HMCN2: variants seen among roughly 807,000 people sequenced by gnomAD.
HMCN2 encodes hemicentin-2.
A neutral mutation model predicts 377.5 loss-of-function variants in HMCN2; 325 were observed. The observed-to-expected ratio is 0.86, with a 90% CI of 0.79 to 0.94. HMCN2 has a LOEUF of 0.94. HMCN2 is among the 40% of genes least tolerant of loss of function. The probability of loss-of-function intolerance (pLI) is 0.00; values close to 1 mark genes in which losing one functional copy is unlikely to be tolerated. For synonymous variants in HMCN2, 2,007 were observed against 2,046.8 expected, an observed-to-expected ratio of 0.98 and a Z score of 0.53; for missense variants, 4,543 against 4,725.3, an observed-to-expected ratio of 0.96 and a Z score of 1.13.
At chr9:130,409,507 G>T (rs1372686411) in intron 84 of HMCN2, among the ~76,000 whole-genome samples, 1 of 152,206 alleles carries the variant, frequency 6.6e-6, no homozygotes, top group Non-Finnish European at 1.5e-5. Flanking sequence ...CATCTTAGGG[G>T]CCTTGATCTC....
intron 27 of HMCN2, 56 bp from the exon 28 acceptor site, chr9:130,348,928 C>T: frequency 7.8e-7 from 1 of 1,279,352 alleles, no homozygotes; most frequent in South Asian, 1.3e-5. Context: ...ATTACTGATG[C>T]TGGGGGTGGT....
chr9:130,369,452 G>T lies in HMCN2; in HGVS notation c.6788-118G>T, dbSNP rs1840891541. On this transcript the variant is annotated intron_variant, in intron 44 of 97. Transcript: ENST00000683500. This position sits in a 1 kb window ranked among gnomAD's most constrained non-coding sequence, Gnocchi z 4.5. ...AGGAAAATGGAGGTGAGGTCACGAG[G>T]TCACACAGCCAGCGATGGCAAGGGG... 8.7e-6 allele frequency: 4 copies of T among 461,612 alleles called. No individual in the cohort carries two copies. The highest frequency in any genetic ancestry group is 1.1e-5 in the Non-Finnish European group (4 of 350,972). 28.6% of individuals were successfully genotyped at this position (461,612 alleles called of 1,614,324 possible).
In HMCN2 at chr9:130,423,833, T is replaced by C. The variant is rs539256503; in HGVS notation, c.13382-943T>C. Among the ~76,000 whole-genome samples, 2 of 152,338 alleles carry C rather than the reference T, an allele frequency of 1.3e-5. No individual in the cohort carries two copies. Among genetic ancestry groups the C allele is most frequent in the Non-Finnish European group, 1.5e-5 (1 of 68,028 alleles). ...CAAACCGGGGCTGGTCCAGAAGGGA[T>C]CTGCAAGTTAGAAAAGTTGGTTCAC... On this transcript the variant is annotated intron_variant, in intron 87 of 97. Transcript: ENST00000683500. The surrounding 1 kb of genome is among the most constrained non-coding windows in gnomAD (Gnocchi z 5.5).
intron 8 of HMCN2, among the ~76,000 whole-genome samples, chr9:130,300,021 A>C (rs1836414390): frequency 6.6e-6 from 1 of 151,020 alleles, no homozygotes; most frequent in African/African-American, 2.4e-5. Flanking sequence ...TTACCCATTC[A>C]TGCATCCATC....
chr9:130,368,082 G>A (rs961257924), intron 43 of HMCN2, among the ~76,000 whole-genome samples, 194 bp from the exon 44 acceptor site: 5 of 152,068 alleles, frequency 3.3e-5, no homozygotes, highest in African/African-American at 4.8e-5. Context: ...GGGGGATGGG[G>A]GGAGTTCAGA....
At chr9:130,382,628 C>A in intron 55 of HMCN2, 51 bp from the exon 56 acceptor site, 1 of 775,804 alleles carries the variant, frequency 1.3e-6, no homozygotes, top group Non-Finnish European at 1.6e-6. Context: ...CGGCCACCCC[C>A]GCCCCCAGGG....
chr9:130,307,626 G>T, intron 14 of HMCN2, 60 bp downstream of exon 14: 1 of 469,952 alleles, frequency 2.1e-6, no homozygotes. Flanking sequence ...GTGTTGAGGG[G>T]AGGTGGGGGT....
rs79285457 is a variant in HMCN2, at chr9:130,392,062, C to T, written c.10080C>T (p.Gly3360=). Residue 3360 remains glycine, a synonymous_variant, in exon 66 of 98, where the codon GGC becomes GGT. Coordinates refer to ENST00000683500, the MANE Select transcript of HMCN2 (RefSeq NM_001291815.2). ...PPIHVSWLKD[G]LPLPLSQRTL... ...TCCACGTGAGCTGGCTCAAGGACGG[C>T]CTGCCCCTCCCGCTCTCCCAGCGCA... 58,955 of 988,482 alleles carry T rather than the reference C, an allele frequency of 0.06. 1,853 individuals carry two copies. The highest frequency in any genetic ancestry group is 0.073 in the Middle Eastern group (258 of 3,548). The allele number at this position is 988,482 out of a possible 1,614,324, so 61.2% of individuals were successfully genotyped here.
intron 1 of HMCN2, among the ~76,000 whole-genome samples, chr9:130,282,399 C>T (rs1373399273): frequency 3.9e-5 from 6 of 152,140 alleles, no homozygotes; most frequent in Non-Finnish European, 8.8e-5. Context: ...GTGAGCTCTG[C>T]CTGAGAGTCC....
intron 71 of HMCN2, 142 bp from the exon 72 acceptor site, chr9:130,395,780 GCA>G: frequency 1.2e-6 from 1 of 828,126 alleles, no homozygotes; most frequent in Non-Finnish European, 1.6e-6. Flanking sequence ...CCTCGGCGGG[GCA>G]CAGTCAGGGC....
intron 73 of HMCN2, among the ~76,000 whole-genome samples, chr9:130,396,824 G>A (rs1383447939): frequency 6.6e-6 from 1 of 152,198 alleles, no homozygotes; most frequent in Admixed American, 6.5e-5. Flanking sequence ...GTACAGACAT[G>A]GCCCTTGGAA....
rs1232693727 is a variant in HMCN2, at chr9:130,428,374, G to A, written c.14082G>A (p.Ala4694=). The change falls in exon 93 of 98, where the codon GCG becomes GCA. Residue 4694 remains alanine (A), a synonymous_variant. Transcript: ENST00000683500. This position sits in a 1 kb window ranked among gnomAD's most constrained non-coding sequence, Gnocchi z 5.0. ...DRNCRDVDEC[A]WDAHLCREGQ... is the part of the protein sequence containing the mutation. ...TGCCCCCAGATGTGGACGAGTGTGC[G>A]TGGGATGCTCACCTCTGCCGAGAGG... is the stretch of plus-strand genomic sequence containing the variant. The A allele has an allele frequency of 3.6e-5, 56 of 1,547,812 alleles. No homozygotes were observed. The East Asian group carries it at 7.6e-4, about 21-fold the overall frequency.
chr9:130,420,463 C>T (rs1843941471), intron 86 of HMCN2, among the ~76,000 whole-genome samples: 1 of 152,082 alleles, frequency 6.6e-6, no homozygotes, highest in African/African-American at 2.4e-5. Context: ...TGTAGGGCTA[C>T]TGGTAAAAAA....
Position 130,406,003 on chromosome 9 carries a change from C to T in HMCN2, c.12388C>T (p.Arg4130Trp), listed in dbSNP as rs1028545093. 3.3e-5 allele frequency: 43 copies of T among 1,289,618 alleles called. No individual in the cohort carries two copies. Among genetic ancestry groups the T allele is most frequent in the East Asian group, 3.3e-4 (6 of 18,008 alleles). 79.9% of individuals were successfully genotyped at this position (1,289,618 alleles called of 1,614,324 possible). The change falls in exon 82 of 98, where the codon CGG becomes TGG. Residue 4130 changes from arginine (R) to tryptophan (W), a missense_variant. Coordinates refer to ENST00000683500, the MANE Select transcript of HMCN2 (RefSeq NM_001291815.2). ...CTGTACCGCTGAGAACGCCGTGGGC[C>T]GGGCCCGCCGCCGCGTGCACCTCAC... ...YTCTAENAVG[R>W]ARRRVHLTIL...
At chr9:130,358,937 G>A (rs1387327291) in intron 36 of HMCN2, among the ~76,000 whole-genome samples, 1 of 152,228 alleles carries the variant, frequency 6.6e-6, no homozygotes, top group African/African-American at 2.4e-5. Flanking sequence ...GCCTCCCAAA[G>A]TGCTGGGATC....
Position 130,360,452 on chromosome 9 carries a change from A to G in HMCN2, c.5798A>G (p.Gln1933Arg), listed in dbSNP as rs1382315661. The change falls in exon 38 of 98, where the codon CAA becomes CGA. Residue 1933 changes from glutamine to arginine, a missense_variant. Physicochemically the swap from Gln to Arg is conservative, Grantham distance 43. Transcript: ENST00000683500. The surrounding 1 kb of genome is among the most constrained non-coding windows in gnomAD (Gnocchi z 4.7). ...GATGTCTCCTGGTTCAAGGGCCACC[A>G]ACCTGTCTCTTCATGGATGGGAGTG... The part of the protein sequence containing the change: ...PPDVSWFKGH[Q>R]PVSSWMGVTV... 1 of 1,301,870 alleles carries G rather than the reference A, an allele frequency of 7.7e-7. No homozygotes were observed. Among genetic ancestry groups the G allele is most frequent in the East Asian group, 5.6e-5 (1 of 17,910 alleles). 80.6% of individuals were successfully genotyped at this position (1,301,870 alleles called of 1,614,324 possible). A position where few individuals can be genotyped will look rare whatever the true frequency, so the allele number is the denominator to read the frequency against.
intron 2 of HMCN2, among the ~76,000 whole-genome samples, chr9:130,284,905 C>G (rs1835337611): frequency 6.6e-6 from 1 of 152,220 alleles, no homozygotes; most frequent in African/African-American, 2.4e-5. Flanking sequence ...TGACTGCCCT[C>G]CATGCCAGAT....
intron 6 of HMCN2, among the ~76,000 whole-genome samples, chr9:130,296,040 A>G (rs1836132347): frequency 6.6e-6 from 1 of 152,250 alleles, no homozygotes; most frequent in Non-Finnish European, 1.5e-5. Flanking sequence ...TCAGAGGTGC[A>G]TAACCAAGCT....
intron 15 of HMCN2, among the ~76,000 whole-genome samples, chr9:130,314,172 G>A (rs1837419641): frequency 1.3e-5 from 2 of 152,120 alleles, no homozygotes; most frequent in African/African-American, 4.8e-5. Flanking sequence ...GGCCGAGCTG[G>A]GGAACAGGAG....
Sources: gnomAD v4.1 joint callset for allele counts (sites outside exome capture counted in the v4.1 genomes callset) on GRCh38, gnomAD v4.1.1 for gene constraint, Gnocchi (gnomAD v3.1) non-coding constraint, MANE v1.5 for transcripts, NCBI Gene and HGNC (gene_info 2026-07-23, HGNC 2026-07-21) for gene names.